The following SLC22A24 variants were observed in gnomAD, a reference collection of about 807,000 sequenced individuals.
The protein encoded by SLC22A24 is steroid transmembrane transporter SLC22A24.
In SLC22A24, 53 loss-of-function variants were observed where a neutral mutation model predicts 49.8. That is an observed-to-expected ratio of 1.06 (90% CI 0.85 to 1.34). The LOEUF (loss-of-function observed/expected upper bound fraction) is 1.34, where lower values mean the gene tolerates loss of function less well. Among genes scored for constraint, SLC22A24 ranks in the 40% most tolerant of loss-of-function variants. The pLI, the probability that SLC22A24 is intolerant of heterozygous loss-of-function variation, is 0.00. For missense variants in SLC22A24, 786 were observed against 675.9 expected (o/e 1.16, Z -1.81); for synonymous variants, 302 against 256.4 (o/e 1.18, Z -1.70).
intron 5 of SLC22A24, among the ~76,000 whole-genome samples, chr11:63,098,014 C>T (rs1352083112): frequency 2.0e-5 from 3 of 152,104 alleles, no homozygotes; most frequent in Admixed American, 6.6e-5. Flanking sequence ...TGCAGCAAAC[C>T]ACCATGGCAC....
At chr11:63,082,294 T>A (rs1421612861) in intron 7 of SLC22A24, among the ~76,000 whole-genome samples, 1 of 152,194 alleles carries the variant, frequency 6.6e-6, no homozygotes, top group Non-Finnish European at 1.5e-5. Flanking sequence ...AACTCCTATT[T>A]GGAAATAAAT....
intron 2 of SLC22A24, among the ~76,000 whole-genome samples, chr11:63,122,100 A>G (rs1317920093): frequency 6.6e-6 from 1 of 152,196 alleles, no homozygotes; most frequent in East Asian, 1.9e-4. Flanking sequence ...TTAAAAGTAC[A>G]GATGGTACAG....
intron 1 of SLC22A24, 30 bp downstream of exon 1, chr11:63,143,348 T>C: frequency 5.6e-6 from 8 of 1,433,844 alleles, no homozygotes; most frequent in Non-Finnish European, 7.3e-6. Context: ...TTTAATCATA[T>C]AAACAGAAGA....
At chr11:63,121,952 C>G (rs948832539) in intron 2 of SLC22A24, among the ~76,000 whole-genome samples, 2 of 151,994 alleles carry the variant, frequency 1.3e-5, no homozygotes, top group South Asian at 4.2e-4. Context: ...TGAGAAAGCC[C>G]TTTATGGTGA....
intron 7 of SLC22A24, among the ~76,000 whole-genome samples, chr11:63,082,167 G>A (rs1312276239): frequency 6.6e-6 from 1 of 152,126 alleles, no homozygotes; most frequent in Non-Finnish European, 1.5e-5. Flanking sequence ...TTTTAGATAT[G>A]GGACAGATAT....
intron 6 of SLC22A24, among the ~76,000 whole-genome samples, chr11:63,085,007 A>G (rs1444842223): frequency 1.3e-5 from 2 of 151,180 alleles, no homozygotes; most frequent in Non-Finnish European, 2.9e-5. Context: ...TTCATCAGGG[A>G]TAGGGAAAGA....
intron 1 of SLC22A24, among the ~76,000 whole-genome samples, chr11:63,140,332 G>A (rs772613247): frequency 9.9e-5 from 15 of 151,768 alleles, no homozygotes; most frequent in African/African-American, 2.4e-4. Flanking sequence ...TGCCCACCTC[G>A]GCCTCCCAAA....
At chr11:63,096,246 A>G (rs1328610064) in intron 5 of SLC22A24, 140 bp from the exon 6 acceptor site, 2 of 582,644 alleles carry the variant, frequency 3.4e-6, no homozygotes, top group Admixed American at 6.0e-5. Flanking sequence ...TATGAGCATT[A>G]AATAATTCAT....
At chr11:63,088,241 C>G (rs1033615480) in intron 6 of SLC22A24, among the ~76,000 whole-genome samples, 1 of 152,162 alleles carries the variant, frequency 6.6e-6, no homozygotes, top group African/African-American at 2.4e-5. Context: ...AGGCAGCAAT[C>G]TTTGCTGTTC....
At chr11:63,101,770 T>A (rs1455435951) in intron 5 of SLC22A24, among the ~76,000 whole-genome samples, 1 of 152,096 alleles carries the variant, frequency 6.6e-6, no homozygotes, top group Non-Finnish European at 1.5e-5. Context: ...AAGAATGAGA[T>A]TCTATAATTT....
intron 2 of SLC22A24, among the ~76,000 whole-genome samples, chr11:63,120,459 AT>A (rs1439844702): frequency 6.6e-6 from 1 of 152,058 alleles, no homozygotes; most frequent in Admixed American, 6.6e-5. Context: ...ATAATAAAAA[AT>A]AAATAAAAAA....
At position 63,117,851 on chromosome 11, in the gene SLC22A24, A is replaced by T. The variant is rs1164508460; in HGVS notation, c.830+1061T>A. Among the ~76,000 whole-genome samples the T allele has an allele frequency of 2.0e-5, 3 of 152,314 alleles. No homozygotes were observed. The East Asian group carries it at 5.8e-4, about 29-fold the overall frequency. ...TTCAGTTTTTAGAGTCAAAATTTAT[A>T]TGCAGATTTTTGAGTGCATGGGGTG... On this transcript the variant is annotated intron_variant, in intron 4 of 9. Transcript: ENST00000612278.
intron 6 of SLC22A24, among the ~76,000 whole-genome samples, chr11:63,087,024 GCACACACACA>G (rs1555045310): frequency 2.3e-5 from 3 of 132,554 alleles, no homozygotes; most frequent in South Asian, 2.6e-4. Flanking sequence ...CCTGGAGGGC[GCACACACACA>G]CACACACACA....
rs1439167545 is a variant in SLC22A24 at position 63,134,391 on chromosome 11, C to G, written c.506+274G>C. 3.3e-5 allele frequency among the ~76,000 whole-genome samples: 5 copies of G among 152,184 alleles called. No homozygotes were observed. The South Asian group carries it at 1.0e-3, about 31-fold the overall frequency. ...TAAACCTCAAATCCTGTAATCTACT[C>G]TAAAAATCCCTTCCTGAAACTTCTT... On this transcript the variant is annotated intron_variant, in intron 2 of 9. Transcript: ENST00000612278.
intron 1 of SLC22A24, chr11:63,137,733 T>C (rs940666211): frequency 1.3e-5 from 2 of 152,168 alleles, no homozygotes; most frequent in African/African-American, 4.8e-5. Context: ...TATGTTTCCA[T>C]AAAACAGGAA....
chr11:63,086,795 G>T (rs2086989151), intron 6 of SLC22A24, among the ~76,000 whole-genome samples: 1 of 151,992 alleles, frequency 6.6e-6, no homozygotes, highest in South Asian at 2.1e-4. Flanking sequence ...AACTATGTGA[G>T]ATTATGAATA....
At chr11:63,124,772 C>A (rs1447176081) in intron 2 of SLC22A24, among the ~76,000 whole-genome samples, 2 of 151,982 alleles carry the variant, frequency 1.3e-5, no homozygotes, top group Non-Finnish European at 2.9e-5. Context: ...ACTATGCAGC[C>A]ATAAAAAATG....
chr11:63,112,540 T>A (rs2087173708), intron 4 of SLC22A24, among the ~76,000 whole-genome samples: 1 of 152,148 alleles, frequency 6.6e-6, no homozygotes, highest in African/African-American at 2.4e-5. Context: ...AGTCTATGAA[T>A]TTTGTTGATT....
At chr11:63,093,402 T>C (rs565046679) in intron 6 of SLC22A24, among the ~76,000 whole-genome samples, 3 of 152,264 alleles carry the variant, frequency 2.0e-5, no homozygotes, top group East Asian at 3.9e-4. Flanking sequence ...CGTATGTTTA[T>C]TGCAGCACTA....
Sources: gnomAD v4.1 joint callset for allele counts (sites outside exome capture counted in the v4.1 genomes callset) on GRCh38, gnomAD v4.1.1 for gene constraint, MANE v1.5 for transcripts, NCBI Gene and HGNC (gene_info 2026-07-23, HGNC 2026-07-21) for gene names.